PRIM2: variants seen among roughly 807,000 people sequenced by gnomAD.
PRIM2 encodes the protein DNA primase subunit 2, also known as DNA primase large subunit.
Under a neutral mutation model 67.3 loss-of-function variants are expected in PRIM2, and 39 were observed. That is an observed-to-expected ratio of 0.58 (90% confidence interval 0.45 to 0.76). PRIM2 has a LOEUF of 0.76. PRIM2 is among the 30% of genes least tolerant of loss of function. PRIM2 has a pLI of 0.00. For missense variants in PRIM2, 398 were observed against 598.7 expected (o/e 0.66, Z 3.50); for synonymous variants, 143 against 198.7 (o/e 0.72, Z 2.36).
At chr6:57,503,210 C>G (rs1464636068) in intron 7 of PRIM2, among the ~76,000 whole-genome samples, 5 of 152,098 alleles carry the variant, frequency 3.3e-5, no homozygotes, top group Admixed American at 3.3e-4. Flanking sequence ...AGCCTATATT[C>G]TTGTGATGAG....
chr6:57,283,810 T>C, the PRIM2 span, among the ~76,000 whole-genome samples: 4 of 152,080 alleles, frequency 2.6e-5, no homozygotes, highest in African/African-American at 9.7e-5. Flanking sequence ...GACAAACTCG[T>C]TTGGGGCCTA....
At chr6:57,588,982 A>G (rs1582007264) in intron 10 of PRIM2, among the ~76,000 whole-genome samples, 1 of 152,238 alleles carries the variant, frequency 6.6e-6, no homozygotes, top group East Asian at 1.9e-4. Flanking sequence ...ATCAATTTTA[A>G]TGGGAGAGAT....
intron 7 of PRIM2, among the ~76,000 whole-genome samples, chr6:57,458,264 T>C (rs1772876262): frequency 6.6e-6 from 1 of 152,198 alleles, no homozygotes; most frequent in African/African-American, 2.4e-5. Flanking sequence ...CATGCATGTG[T>C]ACAGCTTTCA....
At chr6:57,462,300 T>C (rs1773034629) in intron 7 of PRIM2, among the ~76,000 whole-genome samples, 1 of 152,222 alleles carries the variant, frequency 6.6e-6, no homozygotes, top group Non-Finnish European at 1.5e-5. Context: ...AAAGATAATT[T>C]GTGGACTTTC....
At chr6:57,577,507 G>C (rs1775985878) in intron 10 of PRIM2, among the ~76,000 whole-genome samples, 1 of 145,602 alleles carries the variant, frequency 6.9e-6, no homozygotes, top group Admixed American at 7.2e-5. Context: ...TTGGCTCACT[G>C]CAACCTCCAC....
chr6:57,511,729 A>C (rs1286217079), intron 8 of PRIM2, among the ~76,000 whole-genome samples: 2 of 152,096 alleles, frequency 1.3e-5, no homozygotes, highest in Non-Finnish European at 2.9e-5. Flanking sequence ...TTAACTAAGA[A>C]GGAGAATAAA....
rs1775961984 is a variant in PRIM2, at chr6:57,576,174, A to G, written c.1021-24919A>G. 6.6e-5 allele frequency among the ~76,000 whole-genome samples: 10 copies of G among 152,282 alleles called. 1 individual carries two copies. In the South Asian group the frequency reaches 2.1e-3, roughly 32 times the overall value. On this transcript the variant is annotated intron_variant, in intron 10 of 13. Transcript: ENST00000615550. ...GTTGGGAAGGCATGTTCATGATAATATACTGTTGATATTTTAATTTTTAAG... is the reference window on the plus strand; with the variant it reads ...GTTGGGAAGGCATGTTCATGATAATGTACTGTTGATATTTTAATTTTTAAG...
intron 5 of PRIM2, among the ~76,000 whole-genome samples, chr6:57,362,721 A>C (rs1259733228): frequency 1.3e-5 from 2 of 151,958 alleles, no homozygotes; most frequent in Non-Finnish European, 2.9e-5. Context: ...AGCCTCAAAG[A>C]AGATTGAGTT....
intron 5 of PRIM2, among the ~76,000 whole-genome samples, chr6:57,377,957 T>C (rs1769824568): frequency 6.6e-6 from 1 of 152,140 alleles, no homozygotes; most frequent in South Asian, 2.1e-4. Context: ...CTCAGAAATG[T>C]CATTTCTTAG....
At chr6:57,608,340 T>G (rs1319584195) in intron 12 of PRIM2, among the ~76,000 whole-genome samples, 9 of 152,178 alleles carry the variant, frequency 5.9e-5, no homozygotes, top group Admixed American at 3.9e-4. Flanking sequence ...ATTATTTTAC[T>G]TTGACTTGGG....
intron 7 of PRIM2, among the ~76,000 whole-genome samples, chr6:57,493,548 C>T (rs1773942586): frequency 6.6e-6 from 1 of 152,182 alleles, no homozygotes; most frequent in African/African-American, 2.4e-5. Context: ...AAATCAGGCA[C>T]AAATAGCAGA....
At chr6:57,278,024 C>CA in the PRIM2 span, among the ~76,000 whole-genome samples, 37 of 150,900 alleles carry the variant, frequency 2.5e-4, no homozygotes, top group Non-Finnish European at 3.8e-4. Context: ...CAAAACAAAA[C>CA]AAAAAAAGAT....
At chr6:57,529,183 G>A (rs1262224899) in intron 8 of PRIM2, among the ~76,000 whole-genome samples, 3 of 152,164 alleles carry the variant, frequency 2.0e-5, no homozygotes, top group South Asian at 2.1e-4. Context: ...GGTGGTGGGC[G>A]CCTGTATTCC....
intron 5 of PRIM2, among the ~76,000 whole-genome samples, chr6:57,367,770 G>A (rs1769410938): frequency 6.6e-6 from 1 of 152,208 alleles, no homozygotes; most frequent in Non-Finnish European, 1.5e-5. Context: ...CCTCAAACGA[G>A]GTGGTTGGAC....
At chr6:57,283,461 A>G in the PRIM2 span, among the ~76,000 whole-genome samples, 2 of 152,188 alleles carry the variant, frequency 1.3e-5, no homozygotes, top group African/African-American at 4.8e-5. Context: ...ATACTCCCTG[A>G]TTTCAAAGAG....
chr6:57,342,335 G>A (rs1768521563), intron 5 of PRIM2, among the ~76,000 whole-genome samples: 1 of 152,148 alleles, frequency 6.6e-6, no homozygotes, highest in Non-Finnish European at 1.5e-5. Flanking sequence ...GCTGTCCATG[G>A]TGACTATTTT....
In PRIM2 at chr6:57,541,816, T is replaced by G. The variant is rs1344734143; in HGVS notation, c.1020+4191T>G. 5.9e-5 allele frequency among the ~76,000 whole-genome samples: 9 copies of G among 152,296 alleles called. No individual in the cohort carries two copies. In the South Asian group the frequency reaches 1.5e-3, roughly 25 times the overall value. On this transcript the variant is annotated intron_variant, in intron 10 of 13. Transcript: ENST00000615550. ...GGCTTTCAACTGATTGGTTGAGAAT[T>G]ATTCACATTAGGTAGGGCAATCTGC...
rs770994019 is a variant in PRIM2, at chr6:57,318,550, A to G, written c.105A>G (p.Glu35=). 3.8e-6 allele frequency: 6 copies of G among 1,590,706 alleles called. No homozygotes were observed. The South Asian group carries it at 6.8e-5, about 18-fold the overall frequency. ...AGTTTTACTTGCAGCCACCTTCTGA[A>G]AACATATCTTTAATAGAATTTGAAA... ...CLQFYLQPPS[E]NISLIEFENL... Residue 35 remains glutamate, a synonymous_variant, in exon 2 of 14, where the codon GAA becomes GAG. Transcript: ENST00000615550.
the PRIM2 span, among the ~76,000 whole-genome samples, chr6:57,243,722 G>A: frequency 4.8e-4 from 73 of 152,234 alleles, no homozygotes; most frequent in African/African-American, 1.6e-3. Flanking sequence ...TGATCATCCC[G>A]CCTCGGCCTC....
Sources: allele counts gnomAD v4.1 joint callset (sites outside exome capture counted in the v4.1 genomes callset), GRCh38; gene constraint gnomAD v4.1.1; transcripts MANE v1.5; gene names NCBI Gene and HGNC (gene_info 2026-07-23, HGNC 2026-07-21).